DDX17: variants seen among roughly 807,000 people sequenced by gnomAD.
DDX17 encodes the protein DEAD-box helicase 17.
In DDX17, 10 loss-of-function variants were observed where a neutral mutation model predicts 80.8. That is an observed-to-expected ratio of 0.12 (90% CI 0.08 to 0.21). DDX17 has a LOEUF of 0.21. Among genes scored for constraint, DDX17 ranks in the 10% least tolerant of loss-of-function variants. The pLI is 1.00. For synonymous variants in DDX17, 339 were observed against 336.2 expected (o/e 1.01, Z -0.09); for missense variants, 586 against 957.4 (o/e 0.61, Z 5.12).
chr22:38,486,401 T>C lies in DDX17; in HGVS notation c.1724A>G (p.Asn575Ser). 2.5e-6 allele frequency: 4 copies of C among 1,612,756 alleles called. No individual in the cohort carries two copies. The highest frequency in any genetic ancestry group is 2.5e-6 in the Non-Finnish European group (3 of 1,179,390). Reference sequence around the variant, plus strand: ...CTCATCCTGATACATCAGATTGGGATTGTTGGCTGAAGAAGTGGTCCGGTA... The same window carrying C: ...CTCATCCTGATACATCAGATTGGGACTGTTGGCTGAAGAAGTGGTCCGGTA... The change falls in exon 13 of 13, where the codon AAT (asparagine) becomes AGT (serine). Residue 575 changes from asparagine to serine, a missense_variant. Coordinates refer to ENST00000403230, the MANE Select transcript of DDX17 (RefSeq NM_006386.5).
In DDX17 at chr22:38,485,567, A is replaced by G. The variant is rs1270947265; in HGVS notation, c.*368T>C. The G allele has an allele frequency of 6.7e-6, 1 of 150,200 alleles. No homozygotes were observed. Among genetic ancestry groups the G allele is most frequent in the African/African-American group, 2.5e-5 (1 of 40,698 alleles). The allele number at this position is 150,200 out of a possible 1,614,324, so 9.3% of individuals were successfully genotyped here. On this transcript the variant is annotated 3_prime_UTR_variant, in exon 13 of 13. Coordinates refer to ENST00000403230, the MANE Select transcript of DDX17 (RefSeq NM_006386.5). ...CCCCACCAACTCAGAAAAACAAAAC[A>G]TGGGGCTCCCACAAAAGGGCCTAAT...
At chr22:38,490,094 C>A (rs2089698308) in intron 11 of DDX17, 1 of 1,106,518 alleles carries the variant, frequency 9.0e-7, no homozygotes, top group African/African-American at 1.7e-5. Context: ...AGAAAGGTGT[C>A]CTGTGTGTGC....
chr22:38,495,246 A>ATTTT (rs138442), intron 6 of DDX17, among the ~76,000 whole-genome samples, 200 bp from the exon 7 acceptor site: 2,968 of 130,588 alleles, frequency 0.023, 148 homozygotes, highest in African/African-American at 0.075. Flanking sequence ...CAGAGAAGCT[A>ATTTT]TTTTTTTTTT....
At position 38,499,469 on chromosome 22, in the gene DDX17, CCTT is replaced by C. The variant is rs1372294803; in HGVS notation, c.466_468del (p.Lys156del). ...ACATCTCCCCCCCTCACTGTAATCT[CCTT>C]CTTTCGGCGTAGCTCATCAACCTCA... On this transcript the variant is annotated inframe_deletion, in exon 3 of 13. Transcript: ENST00000403230. 1 of 1,614,032 alleles carries C rather than the reference CCTT, an allele frequency of 6.2e-7. No individual in the cohort carries two copies. Among genetic ancestry groups the C allele is most frequent in the Non-Finnish European group, 8.5e-7 (1 of 1,179,954 alleles).
Position 38,484,880 on chromosome 22 carries a change from T to C in DDX17, c.*1055A>G, listed in dbSNP as rs945143450. 1 of 152,214 alleles carries C rather than the reference T, an allele frequency of 6.6e-6. No individual in the cohort carries two copies. The highest frequency in any genetic ancestry group is 1.5e-5 in the Non-Finnish European group (1 of 68,030). The allele number at this position is 152,214 out of a possible 1,614,324, so 9.4% of individuals were successfully genotyped here. ...TATGAAGAAAATAAAGAGTTCTTAATAAACCCTTAAGATTCTTTGTTCAAG... is the reference window on the plus strand; with the variant it reads ...TATGAAGAAAATAAAGAGTTCTTAACAAACCCTTAAGATTCTTTGTTCAAG... On this transcript the variant is annotated 3_prime_UTR_variant, in exon 13 of 13. Transcript: ENST00000403230.
intron 2 of DDX17, among the ~76,000 whole-genome samples, chr22:38,500,289 A>T (rs1007588003): frequency 6.6e-6 from 1 of 152,192 alleles, no homozygotes; most frequent in Non-Finnish European, 1.5e-5. Context: ...TCAACAAGAG[A>T]ACAAATTAAA....
At position 38,506,023 on chromosome 22, in the gene DDX17, G is replaced by C; in HGVS notation, c.215C>G (p.Pro72Arg). The C allele has an allele frequency of 6.3e-7, 1 of 1,590,964 alleles. No homozygotes were observed. The highest frequency in any genetic ancestry group is 8.6e-7 in the Non-Finnish European group (1 of 1,169,422). ...CATGGTCCCAAAAGGATAGAGATCT[G>C]GGAGCGGGGCACGGATGGCCGGGCT... The change falls in exon 1 of 13, where the codon CCA becomes CGA. Residue 72 changes from proline to arginine, a missense_variant. By Grantham distance (103) the Pro-to-Arg change is moderately radical. Transcript: ENST00000403230.
rs1360218744 is a variant in DDX17, at chr22:38,501,133, T to C, written c.435A>G (p.Thr145=). 1.2e-6 allele frequency: 2 copies of C among 1,613,790 alleles called. No individual in the cohort carries two copies. Among genetic ancestry groups the C allele is most frequent in the South Asian group, 1.1e-5 (1 of 90,966 alleles). ...TAAAACACACATGTAAACTTACTGG[T>C]GTCAGCCTTGCTACTTCCGGATGTT... The change falls in exon 2 of 13, where the codon ACA becomes ACG. Residue 145 remains threonine, a synonymous_variant. Coordinates refer to ENST00000403230, the MANE Select transcript of DDX17 (RefSeq NM_006386.5).
intron 5 of DDX17, among the ~76,000 whole-genome samples, chr22:38,497,179 C>G (rs372785535): frequency 1.7e-4 from 26 of 150,028 alleles, no homozygotes; most frequent in African/African-American, 6.4e-4. Flanking sequence ...GCCTGTAATC[C>G]CAGCTGCTTG....
chr22:38,498,692 G>A, intron 3 of DDX17, 119 bp from the exon 4 acceptor site: 1 of 1,126,972 alleles, frequency 8.9e-7, no homozygotes, highest in Middle Eastern at 2.9e-4. Flanking sequence ...TCTCCAAAGT[G>A]CTTTTTCTTT....
chr22:38,501,314 T>C (rs201703713), intron 1 of DDX17, 34 bp from the exon 2 acceptor site: 6 of 1,594,090 alleles, frequency 3.8e-6, no homozygotes, highest in Non-Finnish European at 5.1e-6. Flanking sequence ...TTCATCAGTA[T>C]TTTTAAAGCA....
chr22:38,490,529 G>A (rs1327789192), intron 11 of DDX17: 2 of 1,062,684 alleles, frequency 1.9e-6, no homozygotes, highest in Admixed American at 2.5e-5. Flanking sequence ...ATATCCCAGT[G>A]GAAAGGGAAG....
chr22:38,497,832 C>G (rs2089785950), intron 5 of DDX17, among the ~76,000 whole-genome samples: 1 of 152,084 alleles, frequency 6.6e-6, no homozygotes, highest in Non-Finnish European at 1.5e-5. Flanking sequence ...ACTTGATTTA[C>G]TGCACAGTAA....
intron 8 of DDX17, chr22:38,494,365 A>G: frequency 1.7e-6 from 1 of 588,326 alleles, no homozygotes; most frequent in Non-Finnish European, 3.0e-6. Flanking sequence ...TCACAGATGA[A>G]GAAACTGCAG....
At position 38,500,989 on chromosome 22, in the gene DDX17, A is replaced by AAT. The variant is rs138456; in HGVS notation, c.438+140_438+141insAT. The stretch of plus-strand genomic sequence containing the variant: ...CTACAAAAAGGAAAAAAAAAAAAAA[A>AAT]TTAACCAAAAAATTTTTTAAGAAAA... On this transcript the variant is annotated intron_variant, in intron 2 of 12. Transcript: ENST00000403230. The AAT allele has an allele frequency of 9.3e-5, 111 of 1,198,096 alleles. No homozygotes were observed. The East Asian group carries it at 2.8e-3, about 31-fold the overall frequency. The allele number at this position is 1,198,096 out of a possible 1,614,324, so 74.2% of individuals were successfully genotyped here. A position where few individuals can be genotyped will look rare whatever the true frequency, so the allele number is the denominator to read the frequency against.
intron 2 of DDX17, among the ~76,000 whole-genome samples, 178 bp from the exon 3 acceptor site, chr22:38,499,677 GTTAA>G (rs1292032691): frequency 6.6e-6 from 1 of 152,156 alleles, no homozygotes; most frequent in African/African-American, 2.4e-5. Flanking sequence ...TACTTTGTAA[GTTAA>G]TTAATGATGT....
intron 10 of DDX17, chr22:38,493,481 G>C: frequency 2.1e-6 from 1 of 484,784 alleles, no homozygotes; most frequent in Non-Finnish European, 3.7e-6. Context: ...GCCACCAACG[G>C]TGCCCAGTCC....
chr22:38,489,443 C>T lies in DDX17; in HGVS notation c.1448-1328G>A. The T allele has an allele frequency of 1.0e-6, 1 of 985,770 alleles. No homozygotes were observed. Among genetic ancestry groups the T allele is most frequent in the Non-Finnish European group, 1.2e-6 (1 of 829,938 alleles). 61.1% of individuals were successfully genotyped at this position (985,770 alleles called of 1,614,324 possible). On this transcript the variant is annotated intron_variant, in intron 11 of 12. Transcript: ENST00000403230. The surrounding 1 kb of genome is among the most constrained non-coding windows in gnomAD (Gnocchi z 4.6). ...GCTTCTCTGTAGCCCCATTTGGTTG[C>T]CAAGCGCCGGAGAACCTGGGTTCGG...
At chr22:38,498,913 G>A (rs2089797796) in intron 3 of DDX17, among the ~76,000 whole-genome samples, 1 of 152,162 alleles carries the variant, frequency 6.6e-6, no homozygotes, top group African/African-American at 2.4e-5. Context: ...TACTCGGGAG[G>A]GTGAAGCAGA....
Sources: gnomAD v4.1 joint callset for allele counts (sites outside exome capture counted in the v4.1 genomes callset) on GRCh38, gnomAD v4.1.1 for gene constraint, Gnocchi (gnomAD v3.1) non-coding constraint, MANE v1.5 for transcripts, NCBI Gene and HGNC (gene_info 2026-07-23, HGNC 2026-07-21) for gene names.